Variants in SIPA1L1 observed in about 807,000 individuals in gnomAD.
SIPA1L1 encodes the protein signal-induced proliferation-associated 1-like protein 1.
In SIPA1L1, 26 loss-of-function variants were observed where a neutral mutation model predicts 162.7. The ratio of observed to expected loss-of-function variants is 0.16; its 90% CI spans 0.12 to 0.22. The LOEUF is 0.22. Ranked by LOEUF, SIPA1L1 falls within the 10% of genes least tolerant of loss-of-function variation. SIPA1L1 has a pLI of 1.00. For missense variants in SIPA1L1, 1,874 were observed against 2,241.0 expected, an observed-to-expected ratio of 0.84 and a Z score of 3.31; for synonymous variants, 829 against 837.4, an observed-to-expected ratio of 0.99 and a Z score of 0.17.
At chr14:71,482,950 A>G (rs2048463268) in intron 2 of SIPA1L1, among the ~76,000 whole-genome samples, 1 of 152,192 alleles carries the variant, frequency 6.6e-6, no homozygotes, top group Non-Finnish European at 1.5e-5. Flanking sequence ...GCAGCAGCCA[A>G]CTCATAGTCA....
chr14:71,699,884 A>G (rs2081953707), intron 14 of SIPA1L1, among the ~76,000 whole-genome samples: 1 of 152,234 alleles, frequency 6.6e-6, no homozygotes, highest in South Asian at 2.1e-4. Context: ...AATGTGTTTC[A>G]TATGTCAGCC....
chr14:71,638,647 T>C (rs2041404800), intron 7 of SIPA1L1, among the ~76,000 whole-genome samples: 1 of 152,166 alleles, frequency 6.6e-6, no homozygotes, highest in South Asian at 2.1e-4. Flanking sequence ...TACAAGAAGT[T>C]CTAGTCAGTG....
chr14:71,406,436 T>A (rs2042030562), intron 2 of SIPA1L1, among the ~76,000 whole-genome samples: 1 of 152,046 alleles, frequency 6.6e-6, no homozygotes, highest in South Asian at 2.1e-4. Context: ...TTTTTATGAC[T>A]TGGGGTCAAA....
At chr14:71,668,949 A>G (rs1277240338) in intron 10 of SIPA1L1, among the ~76,000 whole-genome samples, 1 of 152,162 alleles carries the variant, frequency 6.6e-6, no homozygotes, top group Non-Finnish European at 1.5e-5. Context: ...CTTTTTTTCT[A>G]AATATTCTGT....
intron 3 of SIPA1L1, among the ~76,000 whole-genome samples, chr14:71,523,920 T>A (rs965424178): frequency 5.9e-5 from 9 of 152,224 alleles, no homozygotes; most frequent in African/African-American, 2.2e-4. Context: ...CACAAGATAT[T>A]TCAGGCTCAC....
intron 5 of SIPA1L1, among the ~76,000 whole-genome samples, chr14:71,617,288 C>T (rs1162612052): frequency 6.6e-6 from 1 of 152,202 alleles, no homozygotes; most frequent in Non-Finnish European, 1.5e-5. Context: ...ATTATCACAC[C>T]TCTGAAATAA....
At chr14:71,683,627 T>G (rs999718088) in intron 12 of SIPA1L1, among the ~76,000 whole-genome samples, 3 of 152,226 alleles carry the variant, frequency 2.0e-5, no homozygotes, top group African/African-American at 7.2e-5. Context: ...AAAAAAGGGT[T>G]GCAGTGGCAT....
chr14:71,646,419 A>G (rs1171818582), intron 7 of SIPA1L1, among the ~76,000 whole-genome samples: 3 of 151,934 alleles, frequency 2.0e-5, no homozygotes, highest in East Asian at 3.9e-4. Flanking sequence ...CTCATGAGCC[A>G]CCCGCCTCGG....
Position 71,474,210 on chromosome 14 carries a change from G to A in SIPA1L1, c.-464-38533G>A, listed in dbSNP as rs117752296. 1.0e-2 allele frequency among the ~76,000 whole-genome samples: 1,522 copies of A among 152,342 alleles called. 9 individuals carry two copies. Among genetic ancestry groups the A allele is most frequent in the Non-Finnish European group, 0.015 (1,039 of 68,018 alleles). On this transcript the variant is annotated intron_variant, in intron 2 of 23. Coordinates refer to ENST00000381232, the MANE Select transcript of SIPA1L1 (RefSeq NM_001386936.1). The stretch of plus-strand genomic sequence containing the variant: ...AATAAAAATGAGCCGTAAATAGTTG[G>A]CAGAGCTGAGACTTCTCCCAGTACA...
chr14:71,568,047 TG>T (rs747990390), intron 4 of SIPA1L1, among the ~76,000 whole-genome samples: 9 of 152,210 alleles, frequency 5.9e-5, no homozygotes, highest in Non-Finnish European at 1.0e-4. Flanking sequence ...TTGGTTTTGG[TG>T]GGGTTTGGCT....
intron 2 of SIPA1L1, among the ~76,000 whole-genome samples, chr14:71,327,070 T>G (rs1411990202): frequency 3.3e-5 from 5 of 151,462 alleles, no homozygotes; most frequent in African/African-American, 9.7e-5. Flanking sequence ...CTCCCAGAAT[T>G]GATTGAAATC....
chr14:71,585,852 C>T (rs915079959), intron 4 of SIPA1L1, among the ~76,000 whole-genome samples: 1 of 152,156 alleles, frequency 6.6e-6, no homozygotes, highest in South Asian at 2.1e-4. Context: ...CATTTTGGTT[C>T]AGTTGTTCAA....
intron 2 of SIPA1L1, among the ~76,000 whole-genome samples, chr14:71,335,256 C>T (rs1396715536): frequency 2.0e-5 from 3 of 152,108 alleles, no homozygotes; most frequent in East Asian, 1.9e-4. Context: ...GAGCCAAGAT[C>T]GTGCCACTGC....
intron 2 of SIPA1L1, among the ~76,000 whole-genome samples, chr14:71,465,812 A>G (rs1180972796): frequency 6.6e-6 from 1 of 152,172 alleles, no homozygotes; most frequent in Non-Finnish European, 1.5e-5. Context: ...TTGAGGAGCA[A>G]GGAGAGCCAG....
intron 8 of SIPA1L1, among the ~76,000 whole-genome samples, chr14:71,652,256 C>T (rs1158044470): frequency 6.6e-6 from 1 of 152,076 alleles, no homozygotes; most frequent in East Asian, 1.9e-4. Context: ...AATCATAGAC[C>T]ACCAAAATAG....
intron 2 of SIPA1L1, among the ~76,000 whole-genome samples, chr14:71,327,504 G>A (rs1019256778): frequency 1.3e-5 from 2 of 152,186 alleles, no homozygotes; most frequent in African/African-American, 4.8e-5. Context: ...GGAAGAGAGA[G>A]TCTGCTTATT....
At chr14:71,569,997 TG>T (rs2031645479) in intron 4 of SIPA1L1, among the ~76,000 whole-genome samples, 1 of 152,212 alleles carries the variant, frequency 6.6e-6, no homozygotes, top group African/African-American at 2.4e-5. Context: ...AGTAACATTG[TG>T]GCATTTTTAG....
At chr14:71,635,405 A>G (rs946391807) in intron 7 of SIPA1L1, among the ~76,000 whole-genome samples, 3 of 152,246 alleles carry the variant, frequency 2.0e-5, no homozygotes, top group African/African-American at 2.4e-5. Context: ...AGCAAATGCT[A>G]TAACAATGTC....
At chr14:71,558,314 A>G (rs754347590) in intron 4 of SIPA1L1, among the ~76,000 whole-genome samples, 2 of 152,156 alleles carry the variant, frequency 1.3e-5, no homozygotes, top group African/African-American at 2.4e-5. Context: ...ATGTTTGGTG[A>G]TCTCATGACT....
Sources: allele counts gnomAD v4.1 joint callset (sites outside exome capture counted in the v4.1 genomes callset), GRCh38; gene constraint gnomAD v4.1.1; transcripts MANE v1.5; gene names NCBI Gene and HGNC (gene_info 2026-07-23, HGNC 2026-07-21).